MCUB: variants seen among roughly 807,000 people sequenced by gnomAD.
The protein encoded by MCUB is mitochondrial calcium uniporter dominant negative subunit beta.
A neutral mutation model predicts 41.4 loss-of-function variants in MCUB; 46 were observed. That is an observed-to-expected ratio of 1.11 (90% CI 0.88 to 1.42). MCUB has a LOEUF of 1.42. MCUB is among the 40% of genes most tolerant of loss of function. The pLI is 0.00. For synonymous variants in MCUB, 148 were observed against 148.2 expected, an observed-to-expected ratio of 1.00 and a Z score of 0.01; for missense variants, 403 against 404.9, an observed-to-expected ratio of 1.00 and a Z score of 0.04.
intron 1 of MCUB, among the ~76,000 whole-genome samples, chr4:109,572,791 T>A (rs1280755787): frequency 6.6e-6 from 1 of 152,156 alleles, no homozygotes; most frequent in Non-Finnish European, 1.5e-5. Context: ...TTTCAATGGC[T>A]TTTCATACTA....
At chr4:109,664,751 G>A (rs1729307608) in intron 4 of MCUB, among the ~76,000 whole-genome samples, 1 of 152,142 alleles carries the variant, frequency 6.6e-6, no homozygotes, top group African/African-American at 2.4e-5. Context: ...CAGTGTTTAA[G>A]CTTTTCCAGC....
At chr4:109,664,460 TG>T in intron 4 of MCUB, 66 bp downstream of exon 4, 1 of 663,046 alleles carries the variant, frequency 1.5e-6, no homozygotes. Context: ...TCACTTGCTC[TG>T]TTTCCCAGGC....
intron 1 of MCUB, among the ~76,000 whole-genome samples, chr4:109,604,369 A>C (rs895668070): frequency 6.6e-6 from 1 of 152,156 alleles, no homozygotes; most frequent in Admixed American, 6.5e-5. Context: ...ACACCCAAGA[A>C]TGATCAATAA....
chr4:109,617,296 C>A (rs1227462310), intron 1 of MCUB, among the ~76,000 whole-genome samples: 1 of 152,134 alleles, frequency 6.6e-6, no homozygotes, highest in African/African-American at 2.4e-5. Context: ...TTGGTAAGTT[C>A]TGTTTAGTGC....
intron 1 of MCUB, among the ~76,000 whole-genome samples, chr4:109,588,707 T>A (rs1245377733): frequency 6.6e-6 from 1 of 152,188 alleles, no homozygotes; most frequent in Non-Finnish European, 1.5e-5. Flanking sequence ...TTCTTTTAGA[T>A]AATGAATATA....
chr4:109,596,936 T>C (rs1411367882), intron 1 of MCUB, among the ~76,000 whole-genome samples: 1 of 151,846 alleles, frequency 6.6e-6, no homozygotes, highest in African/African-American at 2.4e-5. Context: ...TGACGACTCT[T>C]AACAAGCATG....
At chr4:109,633,278 T>TTA (rs1561234381) in intron 1 of MCUB, among the ~76,000 whole-genome samples, 4 of 152,006 alleles carry the variant, frequency 2.6e-5, no homozygotes, top group African/African-American at 9.7e-5. Flanking sequence ...TATTATTATT[T>TTA]TTTTTTTGAG....
chr4:109,623,456 A>G (rs577153567), intron 1 of MCUB, among the ~76,000 whole-genome samples: 1 of 152,340 alleles, frequency 6.6e-6, no homozygotes, highest in African/African-American at 2.4e-5. Context: ...GAAGGTCAGC[A>G]GAGAGTCAGC....
intron 2 of MCUB, 63 bp from the exon 3 acceptor site, chr4:109,660,132 T>C (rs1729195420): frequency 1.2e-6 from 1 of 822,700 alleles, no homozygotes. Flanking sequence ...TCTAGAATTC[T>C]TGTATTTATG....
chr4:109,618,624 A>C (rs535740640), intron 1 of MCUB, among the ~76,000 whole-genome samples: 1 of 152,336 alleles, frequency 6.6e-6, no homozygotes, highest in South Asian at 2.1e-4. Context: ...CAAGTGAGAA[A>C]ACAGCCTGGT....
At position 109,669,087 on chromosome 4, in the gene MCUB, G is replaced by A. The variant is rs116654531; in HGVS notation, c.451+4693G>A. ...ATCAATTAAGAATAATAAAAATAAA[G>A]GTTTTTATTTTACCTCCACTATTCC... On this transcript the variant is annotated intron_variant, in intron 4 of 7. Transcript: ENST00000394650. Among the ~76,000 whole-genome samples the A allele has an allele frequency of 4.2e-3, 643 of 151,908 alleles. 7 individuals are homozygous for A. Among genetic ancestry groups the A allele is most frequent in the African/African-American group, 0.015 (626 of 41,488 alleles).
chr4:109,669,974 A>G (rs1729419177), intron 4 of MCUB, among the ~76,000 whole-genome samples: 1 of 152,086 alleles, frequency 6.6e-6, no homozygotes, highest in Admixed American at 6.5e-5. Flanking sequence ...AGTTATTTCA[A>G]GTTGCTAGTC....
chr4:109,646,556 G>C (rs1728842398), intron 1 of MCUB, among the ~76,000 whole-genome samples: 1 of 152,140 alleles, frequency 6.6e-6, no homozygotes, highest in Admixed American at 6.5e-5. Context: ...AATGTAAATA[G>C]AATCACTCCA....
intron 1 of MCUB, among the ~76,000 whole-genome samples, chr4:109,569,497 C>CTTTTTTTT (rs35808519): frequency 2.1e-4 from 18 of 87,194 alleles, no homozygotes; most frequent in Non-Finnish European, 3.4e-4. Context: ...TTGGCTATCC[C>CTTTTTTTT]TTTTTTTTTT....
chr4:109,683,637 T>C (rs1474074509), intron 5 of MCUB, among the ~76,000 whole-genome samples: 1 of 152,236 alleles, frequency 6.6e-6, no homozygotes, highest in Non-Finnish European at 1.5e-5. Flanking sequence ...TATTATGCAC[T>C]ATTCTCATCT....
chr4:109,661,509 T>C (rs949821021), intron 3 of MCUB, among the ~76,000 whole-genome samples: 2 of 152,202 alleles, frequency 1.3e-5, no homozygotes, highest in African/African-American at 4.8e-5. Flanking sequence ...GGCACTGTTC[T>C]ATACGCTAGA....
intron 1 of MCUB, among the ~76,000 whole-genome samples, chr4:109,590,093 G>C (rs1409153799): frequency 6.6e-6 from 1 of 152,026 alleles, no homozygotes; most frequent in Non-Finnish European, 1.5e-5. Flanking sequence ...TTTCATTTTT[G>C]TTATTTTGTG....
At chr4:109,670,122 C>G (rs1729422587) in intron 4 of MCUB, among the ~76,000 whole-genome samples, 2 of 152,150 alleles carry the variant, frequency 1.3e-5, no homozygotes, top group Non-Finnish European at 2.9e-5. Flanking sequence ...ATAAAGGGAA[C>G]TGCAGTAAAT....
intron 1 of MCUB, among the ~76,000 whole-genome samples, chr4:109,595,843 G>A (rs1224779686): frequency 6.6e-6 from 1 of 152,148 alleles, no homozygotes; most frequent in East Asian, 1.9e-4. Flanking sequence ...AGGGGTGGGG[G>A]TAATATCAGA....
Sources: allele counts gnomAD v4.1 joint callset (sites outside exome capture counted in the v4.1 genomes callset), GRCh38; gene constraint gnomAD v4.1.1; transcripts MANE v1.5; gene names NCBI Gene and HGNC (gene_info 2026-07-23, HGNC 2026-07-21).